The following VAMP7 variants were observed in gnomAD, a reference collection of about 807,000 sequenced individuals.
The protein encoded by VAMP7 is vesicle-associated membrane protein 7.
A neutral mutation model predicts 29.6 loss-of-function variants in VAMP7; 14 were observed. The ratio of observed to expected loss-of-function variants is 0.47; its 90% CI spans 0.31 to 0.74. VAMP7 has a LOEUF of 0.74. VAMP7 is among the 30% of genes least tolerant of loss of function. The pLI is 0.05. For missense variants in VAMP7, 223 were observed against 262.4 expected (o/e 0.85, Z 1.04); for synonymous variants, 95 against 88.1 (o/e 1.08, Z -0.44).
chrX:155,931,562 G>A (rs2066555288), intron 6 of VAMP7, among the ~76,000 whole-genome samples: 1 of 152,118 alleles, frequency 6.6e-6, no homozygotes, highest in South Asian at 2.1e-4. Context: ...GGGGTTGTTT[G>A]TTTCTTTTCT....
intron 5 of VAMP7, among the ~76,000 whole-genome samples, chrX:155,909,799 C>CA: frequency 6.6e-6 from 1 of 152,210 alleles, no homozygotes; most frequent in Non-Finnish European, 1.5e-5. Context: ...AGCTAGCTGT[C>CA]TAGTGTCTTT....
At chrX:155,909,189 C>A (rs1361927335) in intron 5 of VAMP7, among the ~76,000 whole-genome samples, 1 of 152,040 alleles carries the variant, frequency 6.6e-6, no homozygotes, top group Admixed American at 6.6e-5. Flanking sequence ...TTTTTTATTT[C>A]TTCTTGAGTC....
intron 5 of VAMP7, among the ~76,000 whole-genome samples, chrX:155,914,167 T>C (rs1405466421): frequency 6.6e-6 from 1 of 152,050 alleles, no homozygotes; most frequent in East Asian, 1.9e-4. Flanking sequence ...CTGTTTGTCT[T>C]TTATTGGTGT....
chrX:155,932,224 G>GT (rs1161318877), intron 6 of VAMP7, among the ~76,000 whole-genome samples: 2 of 152,162 alleles, frequency 1.3e-5, no homozygotes, highest in African/African-American at 2.4e-5. Flanking sequence ...CTTTAAAGTA[G>GT]TTTTTTCCAA....
chrX:155,886,695 C>G (rs1488197306), intron 1 of VAMP7, among the ~76,000 whole-genome samples: 1 of 152,134 alleles, frequency 6.6e-6, no homozygotes, highest in Non-Finnish European at 1.5e-5. Flanking sequence ...GTTAAATATT[C>G]TACCCAGAAT....
intron 5 of VAMP7, among the ~76,000 whole-genome samples, chrX:155,919,508 A>G (rs1329431565): frequency 4.6e-5 from 7 of 152,166 alleles, no homozygotes; most frequent in African/African-American, 1.7e-4. Flanking sequence ...GACTTTGATT[A>G]TGGGTACATT....
At chrX:155,887,881 A>G (rs2065883154) in intron 1 of VAMP7, among the ~76,000 whole-genome samples, 1 of 151,592 alleles carries the variant, frequency 6.6e-6, no homozygotes, top group Admixed American at 6.6e-5. Context: ...TAGTGAGCCA[A>G]GATTGTGCCA....
chrX:155,927,852 C>T (rs1487985083), intron 6 of VAMP7, among the ~76,000 whole-genome samples: 2 of 147,782 alleles, frequency 1.4e-5, no homozygotes, highest in Non-Finnish European at 3.0e-5. Context: ...ATTGTCATTT[C>T]TCTTAGTCTT....
At chrX:155,903,023 A>G (rs971646264) in intron 5 of VAMP7, among the ~76,000 whole-genome samples, 3 of 151,754 alleles carry the variant, frequency 2.0e-5, no homozygotes, top group African/African-American at 4.8e-5. Context: ...TTGGTAAGCT[A>G]TTGATTATTG....
chrX:155,909,635 G>T (rs1255337945), intron 5 of VAMP7, among the ~76,000 whole-genome samples: 1 of 152,154 alleles, frequency 6.6e-6, no homozygotes, highest in Non-Finnish European at 1.5e-5. Context: ...CATAGACGTA[G>T]TGACTTAAAC....
At chrX:155,940,304 TC>T (rs1400843568) in intron 7 of VAMP7, among the ~76,000 whole-genome samples, 2 of 152,000 alleles carry the variant, frequency 1.3e-5, no homozygotes, top group East Asian at 3.9e-4. Flanking sequence ...TTGCCTTTCC[TC>T]CCCATCCTCC....
chrX:155,913,122 C>T (rs1351451547), intron 5 of VAMP7, among the ~76,000 whole-genome samples: 7 of 152,110 alleles, frequency 4.6e-5, no homozygotes, highest in Admixed American at 3.3e-4. Flanking sequence ...TCTCTAATGA[C>T]CCGTGATGAT....
chrX:155,923,541 A>G (rs2066425252), intron 6 of VAMP7, among the ~76,000 whole-genome samples: 1 of 151,896 alleles, frequency 6.6e-6, no homozygotes, highest in Non-Finnish European at 1.5e-5. Flanking sequence ...TGTTTCTGAC[A>G]AGAATTCTGC....
At chrX:155,909,996 T>C (rs1427792345) in intron 5 of VAMP7, among the ~76,000 whole-genome samples, 1 of 152,104 alleles carries the variant, frequency 6.6e-6, no homozygotes, top group Admixed American at 6.5e-5. Flanking sequence ...AATACACTAT[T>C]GTTAACTTTA....
intron 6 of VAMP7, among the ~76,000 whole-genome samples, chrX:155,933,512 T>C (rs1051511627): frequency 6.6e-6 from 1 of 152,210 alleles, no homozygotes; most frequent in Non-Finnish European, 1.5e-5. Context: ...TAGTATTCTC[T>C]GATGGTAGTT....
At chrX:155,904,172 A>G (rs1330971341) in intron 5 of VAMP7, among the ~76,000 whole-genome samples, 1 of 131,180 alleles carries the variant, frequency 7.6e-6, no homozygotes, top group African/African-American at 2.9e-5. Context: ...ACATGGACAC[A>G]GGAAGGGGAA....
At chrX:155,939,873 T>G (rs2066718471) in intron 7 of VAMP7, 80 bp downstream of exon 7, 5 of 1,187,190 alleles carry the variant, frequency 4.2e-6, no homozygotes. Flanking sequence ...TCTCAATGAT[T>G]AACACTCTGA....
intron 6 of VAMP7, among the ~76,000 whole-genome samples, chrX:155,934,781 G>A (rs1032485189): frequency 1.1e-3 from 165 of 152,138 alleles, no homozygotes; most frequent in Non-Finnish European, 2.2e-3. Flanking sequence ...AGTTGATGCA[G>A]TTTCTTCCTA....
intron 5 of VAMP7, among the ~76,000 whole-genome samples, chrX:155,912,408 T>C (rs2066250527): frequency 6.6e-6 from 1 of 152,134 alleles, no homozygotes; most frequent in African/African-American, 2.4e-5. Flanking sequence ...ATGTGCAGAA[T>C]GTGCAGCTTT....
Sources: gnomAD v4.1 joint callset for allele counts (sites outside exome capture counted in the v4.1 genomes callset) on GRCh38, gnomAD v4.1.1 for gene constraint, MANE v1.5 for transcripts, NCBI Gene and HGNC (gene_info 2026-07-23, HGNC 2026-07-21) for gene names.